NRG3: variants seen among roughly 807,000 people sequenced by gnomAD.
NRG3 encodes pro-neuregulin-3, membrane-bound isoform.
In NRG3, 31 loss-of-function variants were observed where a neutral mutation model predicts 66.9. The ratio of observed to expected loss-of-function variants is 0.46; its 90% CI spans 0.35 to 0.63. The LOEUF (loss-of-function observed/expected upper bound fraction) is 0.63. NRG3 is among the 20% of genes least tolerant of loss of function. The pLI is 0.00. For synonymous variants in NRG3, 393 were observed against 359.4 expected (o/e 1.09, Z -1.06); for missense variants, 910 against 878.9 (o/e 1.04, Z -0.45).
At chr10:82,604,358 T>G (rs2047827221) in intron 2 of NRG3, among the ~76,000 whole-genome samples, 2 of 152,176 alleles carry the variant, frequency 1.3e-5, no homozygotes. Flanking sequence ...TCTCTATATT[T>G]TTTCATGGCT....
chr10:81,994,487 T>C (rs778078843), intron 1 of NRG3, among the ~76,000 whole-genome samples: 1 of 152,172 alleles, frequency 6.6e-6, no homozygotes, highest in Non-Finnish European at 1.5e-5. Flanking sequence ...GACTTTCTAG[T>C]ACTTGAGATT....
At chr10:82,665,050 T>G (rs2052656647) in intron 2 of NRG3, among the ~76,000 whole-genome samples, 1 of 152,202 alleles carries the variant, frequency 6.6e-6, no homozygotes, top group Non-Finnish European at 1.5e-5. Context: ...TTTTCCATCA[T>G]GATACATGGA....
intron 2 of NRG3, among the ~76,000 whole-genome samples, chr10:82,677,446 C>A (rs1408004239): frequency 2.0e-5 from 3 of 152,112 alleles, no homozygotes; most frequent in Non-Finnish European, 4.4e-5. Flanking sequence ...GGTACTGACA[C>A]TTTTACACAC....
At chr10:81,930,686 G>C (rs527700496) in intron 1 of NRG3, among the ~76,000 whole-genome samples, 6 of 152,306 alleles carry the variant, frequency 3.9e-5, no homozygotes, top group African/African-American at 1.4e-4. Context: ...CCGAGGAAAA[G>C]TGACAGGTGG....
At chr10:82,086,680 T>C (rs1408874680) in intron 1 of NRG3, among the ~76,000 whole-genome samples, 4 of 152,082 alleles carry the variant, frequency 2.6e-5, no homozygotes, top group Non-Finnish European at 4.4e-5. Flanking sequence ...GGCTTCCTGG[T>C]TCTGTGAATT....
At chr10:82,019,463 G>C (rs1221757495) in intron 1 of NRG3, among the ~76,000 whole-genome samples, 1 of 151,946 alleles carries the variant, frequency 6.6e-6, no homozygotes, top group African/African-American at 2.4e-5. Context: ...AAATGAGTTA[G>C]GGAGGATTCC....
rs182389627 is a variant in NRG3 at position 82,524,943 on chromosome 10, A to G, written c.953+166075A>G. ...TTCTTCTCCCATCATCTCTCCTTCT[A>G]TATTCACAGTGATAGATCTTTCACT... is the stretch of plus-strand genomic sequence containing the variant. On this transcript the variant is annotated intron_variant, in intron 2 of 8. Coordinates refer to ENST00000372141, the MANE Select transcript of NRG3 (RefSeq NM_001010848.4). 7.9e-5 allele frequency among the ~76,000 whole-genome samples: 12 copies of G among 151,874 alleles called. No homozygotes were observed. The South Asian group carries it at 8.3e-4, about 11-fold the overall frequency.
At chr10:81,979,290 A>T (rs1003878859) in intron 1 of NRG3, among the ~76,000 whole-genome samples, 1 of 151,846 alleles carries the variant, frequency 6.6e-6, no homozygotes, top group African/African-American at 2.4e-5. Context: ...CAGAGTCTCT[A>T]TGGGAAATAT....
chr10:82,547,641 A>G (rs189017061), intron 2 of NRG3, among the ~76,000 whole-genome samples: 168 of 151,944 alleles, frequency 1.1e-3, no homozygotes, highest in African/African-American at 3.8e-3. Flanking sequence ...GTGTGTATAT[A>G]TATATATTTA....
chr10:81,945,924 G>T (rs11818921), intron 1 of NRG3, among the ~76,000 whole-genome samples: 9 of 152,102 alleles, frequency 5.9e-5, no homozygotes, highest in African/African-American at 2.2e-4. Flanking sequence ...CCAAAGATTT[G>T]CAGGAAACCA....
At chr10:82,551,090 AAAGTAGAGTATACC>A (rs1387534728) in intron 2 of NRG3, among the ~76,000 whole-genome samples, 1 of 152,030 alleles carries the variant, frequency 6.6e-6, no homozygotes, top group Non-Finnish European at 1.5e-5. Context: ...TAGACAACAC[AAAGTAGAGTATACC>A]ATTATGGGTT....
chr10:82,592,318 A>G (rs752513232), intron 2 of NRG3, among the ~76,000 whole-genome samples: 2 of 152,168 alleles, frequency 1.3e-5, no homozygotes, highest in Non-Finnish European at 2.9e-5. Flanking sequence ...CACCAGTCCA[A>G]TCGGCTAAAA....
intron 2 of NRG3, among the ~76,000 whole-genome samples, chr10:82,602,363 A>T (rs1029481612): frequency 6.6e-6 from 1 of 152,180 alleles, no homozygotes; most frequent in Non-Finnish European, 1.5e-5. Context: ...TTCTTATCAC[A>T]TCACAGTATA....
chr10:82,106,585 A>C (rs969306382), intron 1 of NRG3, among the ~76,000 whole-genome samples: 1 of 151,202 alleles, frequency 6.6e-6, no homozygotes, highest in Admixed American at 6.6e-5. Flanking sequence ...GGCTCACTGC[A>C]ACCTCCGCCT....
intron 1 of NRG3, among the ~76,000 whole-genome samples, chr10:82,153,411 T>TTGTGTGTGTGTGTG (rs34783247): frequency 5.5e-5 from 8 of 146,632 alleles, no homozygotes; most frequent in Middle Eastern, 3.6e-3. Context: ...TAGTATTCCA[T>TTGTGTGTGTGTGTG]TGTGTGTGTG....
intron 3 of NRG3, among the ~76,000 whole-genome samples, chr10:82,835,784 G>C (rs1367177395): frequency 6.6e-6 from 1 of 152,108 alleles, no homozygotes; most frequent in Non-Finnish European, 1.5e-5. Flanking sequence ...TCAAAGATTT[G>C]CTTTGTTCAG....
intron 2 of NRG3, among the ~76,000 whole-genome samples, chr10:82,709,984 G>A (rs576753959): frequency 1.3e-5 from 2 of 152,070 alleles, no homozygotes; most frequent in Admixed American, 1.3e-4. Context: ...GTGCATCTTG[G>A]CCAAGAAGTA....
At chr10:82,140,053 T>A in intron 1 of NRG3, among the ~76,000 whole-genome samples, 1 of 152,122 alleles carries the variant, frequency 6.6e-6, no homozygotes, top group African/African-American at 2.4e-5. Flanking sequence ...GTCAGTATTT[T>A]TGGATAAACT....
At chr10:82,931,771 T>C (rs1247046820) in intron 4 of NRG3, among the ~76,000 whole-genome samples, 1 of 152,178 alleles carries the variant, frequency 6.6e-6, no homozygotes, top group Non-Finnish European at 1.5e-5. Context: ...TCTCCTGCAG[T>C]CTGCCGTCTG....
Sources: allele counts gnomAD v4.1 joint callset (sites outside exome capture counted in the v4.1 genomes callset), GRCh38; gene constraint gnomAD v4.1.1; transcripts MANE v1.5; gene names NCBI Gene and HGNC (gene_info 2026-07-23, HGNC 2026-07-21).